The following CELF4 variants were observed in gnomAD, a reference collection of about 807,000 sequenced individuals.
The protein encoded by CELF4 is CUGBP Elav-like family member 4.
Under a neutral mutation model 59.9 loss-of-function variants are expected in CELF4, and 18 were observed. The observed-to-expected ratio is 0.30, with a 90% CI of 0.21 to 0.45. The LOEUF (loss-of-function observed/expected upper bound fraction) is 0.45, where lower values mean the gene tolerates loss of function less well. CELF4 is among the 20% of genes least tolerant of loss of function. CELF4 has a pLI of 1.00. For missense variants in CELF4, 456 were observed against 689.0 expected, an observed-to-expected ratio of 0.66 and a Z score of 3.79; for synonymous variants, 261 against 267.1, an observed-to-expected ratio of 0.98 and a Z score of 0.22.
chr18:37,531,788 G>A (rs941747646), intron 1 of CELF4, among the ~76,000 whole-genome samples: 2 of 152,114 alleles, frequency 1.3e-5, no homozygotes, highest in East Asian at 3.9e-4. Flanking sequence ...AGCATGAGGG[G>A]ACCAGACCTC....
At chr18:37,396,104 C>T (rs971616311) in intron 2 of CELF4, among the ~76,000 whole-genome samples, 3 of 152,236 alleles carry the variant, frequency 2.0e-5, no homozygotes, top group Non-Finnish European at 4.4e-5. Context: ...AGGATTCTGT[C>T]TAGTCTGTGG....
intron 2 of CELF4, among the ~76,000 whole-genome samples, chr18:37,437,920 T>C (rs1312179330): frequency 1.3e-5 from 2 of 151,988 alleles, no homozygotes; most frequent in African/African-American, 4.8e-5. Context: ...ATTAATTAGG[T>C]GTAGATGAGG....
intron 3 of CELF4, among the ~76,000 whole-genome samples, chr18:37,289,842 T>G (rs2095202261): frequency 6.6e-6 from 1 of 152,026 alleles, no homozygotes; most frequent in African/African-American, 2.4e-5. Flanking sequence ...TGACATGGAG[T>G]ATTACACAGC....
At chr18:37,306,858 GACACCGCTACAGTGAT>G in intron 3 of CELF4, among the ~76,000 whole-genome samples, 1 of 152,344 alleles carries the variant, frequency 6.6e-6, no homozygotes, top group Non-Finnish European at 1.5e-5. Flanking sequence ...GACCTGAAAT[GACACCGCTACAGTGAT>G]ACTCCGTCAG....
chr18:37,333,134 G>C (rs1312031938), intron 2 of CELF4, among the ~76,000 whole-genome samples: 1 of 152,206 alleles, frequency 6.6e-6, no homozygotes, highest in African/African-American at 2.4e-5. Flanking sequence ...CCTGGATTTC[G>C]GTCTTAGCTC....
intron 2 of CELF4, among the ~76,000 whole-genome samples, chr18:37,365,821 G>A (rs559473406): frequency 8.5e-5 from 13 of 152,104 alleles, no homozygotes; most frequent in African/African-American, 2.2e-4. Flanking sequence ...GGCAACAGCC[G>A]GACACCAGAT....
chr18:37,400,964 G>A (rs1013709758), intron 2 of CELF4, among the ~76,000 whole-genome samples: 25 of 152,356 alleles, frequency 1.6e-4, no homozygotes, highest in African/African-American at 5.1e-4. Flanking sequence ...TGATCCCAGC[G>A]GGGCCTGGGC....
At chr18:37,285,246 G>C (rs2094617320) in intron 3 of CELF4, among the ~76,000 whole-genome samples, 1 of 152,184 alleles carries the variant, frequency 6.6e-6, no homozygotes, top group Non-Finnish European at 1.5e-5. Context: ...AAGTCTCCTA[G>C]GTGCTCGAGG....
chr18:37,267,229 C>T (rs575892151), intron 8 of CELF4, among the ~76,000 whole-genome samples: 3 of 152,216 alleles, frequency 2.0e-5, no homozygotes, highest in East Asian at 1.9e-4. Context: ...CCCGCAGAAC[C>T]GAGGAACCAG....
chr18:37,464,526 T>G (rs1376895360), intron 2 of CELF4, among the ~76,000 whole-genome samples: 1 of 152,182 alleles, frequency 6.6e-6, no homozygotes, highest in Non-Finnish European at 1.5e-5. Flanking sequence ...ACATCAGAGC[T>G]TTGTCCATTT....
chr18:37,455,411 T>C (rs1247485020), intron 2 of CELF4, among the ~76,000 whole-genome samples: 1 of 152,216 alleles, frequency 6.6e-6, no homozygotes, highest in Non-Finnish European at 1.5e-5. Flanking sequence ...TTCTTCCAAC[T>C]CATGTCCACT....
At chr18:37,520,649 C>T (rs541138588) in intron 1 of CELF4, among the ~76,000 whole-genome samples, 2 of 152,156 alleles carry the variant, frequency 1.3e-5, no homozygotes, top group Admixed American at 6.5e-5. Flanking sequence ...GGCTGGTTCC[C>T]GTAATCAAAA....
chr18:37,483,740 T>C (rs1001240147), intron 2 of CELF4, among the ~76,000 whole-genome samples: 4 of 152,218 alleles, frequency 2.6e-5, no homozygotes, highest in African/African-American at 4.8e-5. Context: ...TTCTTTAATC[T>C]GGCAGGCCCC....
At chr18:37,385,073 G>A (rs533437537) in intron 2 of CELF4, among the ~76,000 whole-genome samples, 4 of 152,294 alleles carry the variant, frequency 2.6e-5, no homozygotes, top group South Asian at 4.2e-4. Context: ...TAGGCTGGGC[G>A]TGGTGGCTCA....
At chr18:37,366,066 G>A (rs138885485) in intron 2 of CELF4, among the ~76,000 whole-genome samples, 2 of 152,270 alleles carry the variant, frequency 1.3e-5, no homozygotes, top group East Asian at 3.9e-4. Context: ...ATGGAATACA[G>A]CATCTTGAAA....
intron 1 of CELF4, among the ~76,000 whole-genome samples, chr18:37,493,783 C>G (rs1235693047): frequency 6.6e-6 from 1 of 152,172 alleles, no homozygotes; most frequent in Admixed American, 6.5e-5. Flanking sequence ...TCCCCCTTGG[C>G]CATGCATTCT....
intron 2 of CELF4, among the ~76,000 whole-genome samples, chr18:37,461,776 A>G (rs1303883520): frequency 6.6e-6 from 1 of 152,360 alleles, no homozygotes; most frequent in East Asian, 1.9e-4. Flanking sequence ...TCGTCTTGGC[A>G]GCCCTGCAAA....
intron 1 of CELF4, among the ~76,000 whole-genome samples, chr18:37,526,779 G>C (rs549119360): frequency 4.6e-5 from 7 of 152,284 alleles, no homozygotes; most frequent in African/African-American, 1.7e-4. Flanking sequence ...GGAACTTCTT[G>C]GGAGAAGCTT....
In CELF4 at chr18:37,484,975, G is replaced by T. The variant is rs150625376; in HGVS notation, c.369+550C>A. Among the ~76,000 whole-genome samples the T allele has an allele frequency of 9.3e-3, 1,411 of 152,218 alleles. 18 individuals are homozygous for T. The highest frequency in any genetic ancestry group is 0.024 in the Middle Eastern group (7 of 294). ...CCCGAAGAATACTTCTTATTTTATG[G>T]TGATGAACTAGCCTCGATAATAGCC... is the stretch of plus-strand genomic sequence containing the variant. On this transcript the variant is annotated intron_variant, in intron 2 of 12. Coordinates refer to ENST00000420428, the MANE Select transcript of CELF4 (RefSeq NM_020180.4).
Sources: gnomAD v4.1 joint callset for allele counts (sites outside exome capture counted in the v4.1 genomes callset) on GRCh38, gnomAD v4.1.1 for gene constraint, MANE v1.5 for transcripts, NCBI Gene and HGNC (gene_info 2026-07-23, HGNC 2026-07-21) for gene names.